ACOT11: variants seen among roughly 807,000 people sequenced by gnomAD.
ACOT11 encodes the protein acyl-CoA thioesterase 11.
In ACOT11, 69 loss-of-function variants were observed where a neutral mutation model predicts 77.5. The ratio of observed to expected loss-of-function variants is 0.89; its 90% CI spans 0.73 to 1.09. The LOEUF is 1.09. Among genes scored for constraint, ACOT11 ranks in the 50% least tolerant of loss-of-function variants. The pLI is 0.00. For missense variants in ACOT11, 766 were observed against 813.7 expected (o/e 0.94, Z 0.71); for synonymous variants, 279 against 313.0 (o/e 0.89, Z 1.15).
chr1:54,561,113 TA>T (rs1261680225), intron 1 of ACOT11, among the ~76,000 whole-genome samples: 64 of 150,674 alleles, frequency 4.2e-4, no homozygotes, highest in African/African-American at 1.5e-3. Flanking sequence ...TTTTTAAATT[TA>T]TTTTTTTATT....
intron 15 of ACOT11, chr1:54,623,226 G>A (rs1644248194): frequency 8.4e-7 from 1 of 1,197,388 alleles, no homozygotes; most frequent in Admixed American, 1.7e-5. Flanking sequence ...GTGGGGATAA[G>A]GAGCGAGCGA....
At chr1:54,586,606 G>T (rs2100981377) in intron 3 of ACOT11, among the ~76,000 whole-genome samples, 1 of 152,012 alleles carries the variant, frequency 6.6e-6, no homozygotes, top group African/African-American at 2.4e-5. Flanking sequence ...TAATTTTTTT[G>T]TATTTTTAGT....
intron 1 of ACOT11, among the ~76,000 whole-genome samples, chr1:54,554,290 AGTGT>A (rs67577349): frequency 0.16 from 17,265 of 108,024 alleles, 1,684 homozygotes; most frequent in Middle Eastern, 0.25. Flanking sequence ...AGTATTCCAT[AGTGT>A]GTGTGTGTGT....
At chr1:54,599,751 G>C (rs1011498369) in intron 8 of ACOT11, 1 of 172,010 alleles carries the variant, frequency 5.8e-6, no homozygotes, top group African/African-American at 2.4e-5. Flanking sequence ...CAGATCACAG[G>C]GCCACTTCTT....
At chr1:54,563,933 G>T (rs1459155369) in intron 1 of ACOT11, among the ~76,000 whole-genome samples, 2 of 152,158 alleles carry the variant, frequency 1.3e-5, no homozygotes, top group African/African-American at 2.4e-5. Flanking sequence ...GGGTGTGGAG[G>T]CTTGTGCCTG....
chr1:54,619,259 T>C (rs1315526143), intron 15 of ACOT11, among the ~76,000 whole-genome samples: 3 of 152,178 alleles, frequency 2.0e-5, no homozygotes, highest in Non-Finnish European at 2.9e-5. Flanking sequence ...CATTATCTAC[T>C]GAGCTTCCCA....
chr1:54,619,915 T>C (rs761940643), intron 15 of ACOT11: 7 of 1,614,000 alleles, frequency 4.3e-6, no homozygotes, highest in Non-Finnish European at 5.9e-6. Flanking sequence ...TGGTACCAGG[T>C]GACCTCCAAG....
rs1038423274 is a variant in ACOT11 at position 54,604,557 on chromosome 1, A to G, written c.1236+128A>G. Reference sequence around the variant, plus strand: ...CTCTTCAAAGAATTGGGTGAGATCAAGAAACCAGTCCAGTTATGGAAACGT... The same window carrying G: ...CTCTTCAAAGAATTGGGTGAGATCAGGAAACCAGTCCAGTTATGGAAACGT... On this transcript the variant is annotated intron_variant, in intron 12 of 15. Coordinates refer to ENST00000343744, the MANE Select transcript of ACOT11 (RefSeq NM_147161.4). The G allele has an allele frequency of 7.9e-6, 7 of 885,566 alleles. No individual in the cohort carries two copies. In the African/African-American group the frequency reaches 1.2e-4, roughly 15 times the overall value. 54.9% of individuals were successfully genotyped at this position (885,566 alleles called of 1,614,324 possible).
downstream of ACOT11, chr1:54,611,480 G>T (rs1026660409): frequency 4.8e-5 from 42 of 867,092 alleles, 1 homozygote; most frequent in Non-Finnish European, 7.6e-5. Context: ...AAATGCAGCC[G>T]CCTCCTGTCC....
Position 54,568,136 on chromosome 1 carries a change from G to C in ACOT11, c.34-16519G>C, listed in dbSNP as rs12087711. ...TGTCTGTTCTCTTGTCCGCAACCCT[G>C]CACAGTCTTGTGCAATTGCTCCTTC... On this transcript the variant is annotated intron_variant, in intron 1 of 15. Coordinates refer to ENST00000343744, the MANE Select transcript of ACOT11 (RefSeq NM_147161.4). 9.1e-3 allele frequency among the ~76,000 whole-genome samples: 1,381 copies of C among 152,150 alleles called. 19 individuals are homozygous for C. Among genetic ancestry groups the C allele is most frequent in the African/African-American group, 0.032 (1,312 of 41,462 alleles).
intron 1 of ACOT11, among the ~76,000 whole-genome samples, chr1:54,557,782 T>C (rs932826389): frequency 6.6e-6 from 1 of 152,174 alleles, no homozygotes; most frequent in Non-Finnish European, 1.5e-5. Flanking sequence ...AGTGGAGGCT[T>C]TAGGGTTTTC....
downstream of ACOT11, among the ~76,000 whole-genome samples, chr1:54,612,203 G>A (rs1039434366): frequency 4.6e-5 from 7 of 151,904 alleles, no homozygotes; most frequent in South Asian, 2.1e-4. Context: ...GGGGTACAGC[G>A]GGCTCCTATT....
At position 54,623,287 on chromosome 1, in the gene ACOT11, G is replaced by A. The variant is rs376410310; in HGVS notation, c.1630-7447G>A. ...GGGGGGAGGCACCTACCTGGCCGCCGCAGGGTGATGGCAAGGACTATTGCG... is the reference window on the plus strand; with the variant it reads ...GGGGGGAGGCACCTACCTGGCCGCCACAGGGTGATGGCAAGGACTATTGCG... On this transcript the variant is annotated intron_variant, in intron 15 of 16. Transcript: ENST00000371316. The A allele has an allele frequency of 1.6e-5, 26 of 1,613,336 alleles. No individual in the cohort carries two copies. In the Admixed American group the frequency reaches 1.8e-4, roughly 11 times the overall value.
At chr1:54,624,149 C>T (rs565105979) in intron 15 of ACOT11, among the ~76,000 whole-genome samples, 5 of 152,260 alleles carry the variant, frequency 3.3e-5, no homozygotes, top group African/African-American at 1.2e-4. Flanking sequence ...TTAGAGGCTG[C>T]CCCTATTCTG....
At chr1:54,568,563 C>T (rs56147006) in intron 1 of ACOT11, among the ~76,000 whole-genome samples, 5,813 of 151,882 alleles carry the variant, frequency 0.038, 231 homozygotes, top group South Asian at 0.22. Context: ...GGGGTTTCTC[C>T]ATTTTGGTCA....
At chr1:54,563,545 C>G (rs1175027882) in intron 1 of ACOT11, among the ~76,000 whole-genome samples, 1 of 152,178 alleles carries the variant, frequency 6.6e-6, no homozygotes, top group Non-Finnish European at 1.5e-5. Context: ...TAAGGATGCA[C>G]CAGGATTCCA....
At chr1:54,600,862 G>T (rs1643952871) in intron 8 of ACOT11, among the ~76,000 whole-genome samples, 1 of 151,992 alleles carries the variant, frequency 6.6e-6, no homozygotes, top group African/African-American at 2.4e-5. Flanking sequence ...GTTTTTGATG[G>T]CATATTTATA....
At chr1:54,572,488 C>G (rs1410149587) in intron 1 of ACOT11, among the ~76,000 whole-genome samples, 1 of 152,154 alleles carries the variant, frequency 6.6e-6, no homozygotes, top group Non-Finnish European at 1.5e-5. Flanking sequence ...ATGGCCCACC[C>G]CACCGTCAGG....
At chr1:54,612,691 C>G (rs1644132168), downstream of ACOT11, 3 of 1,613,780 alleles carry the variant, frequency 1.9e-6, no homozygotes. Flanking sequence ...GGATACTTCT[C>G]CTGGACCAGG....
Sources: allele counts gnomAD v4.1 joint callset (sites outside exome capture counted in the v4.1 genomes callset), GRCh38; gene constraint gnomAD v4.1.1; transcripts MANE v1.5; gene names NCBI Gene and HGNC (gene_info 2026-07-23, HGNC 2026-07-21).